DTNA: variants seen among roughly 807,000 people sequenced by gnomAD.
DTNA encodes dystrobrevin alpha.
In DTNA, 43 loss-of-function variants were observed where a neutral mutation model predicts 100.7. That is an observed-to-expected ratio of 0.43 (90% CI 0.33 to 0.55). The LOEUF is 0.55. Ranked by LOEUF, DTNA falls within the 20% of genes least tolerant of loss-of-function variation. The pLI is 0.04. For missense variants in DTNA, 798 were observed against 953.9 expected (o/e 0.84, Z 2.15); for synonymous variants, 349 against 347.9 (o/e 1.00, Z -0.04).
At chr18:34,685,957 A>G (rs1289565197) in intron 1 of DTNA, among the ~76,000 whole-genome samples, 2 of 152,192 alleles carry the variant, frequency 1.3e-5, no homozygotes, top group Non-Finnish European at 2.9e-5. Context: ...ACTGGTGTAT[A>G]GGAATGCTTG....
At chr18:34,748,552 A>G (rs1410515441) in intron 1 of DTNA, among the ~76,000 whole-genome samples, 1 of 152,180 alleles carries the variant, frequency 6.6e-6, no homozygotes, top group African/African-American at 2.4e-5. Flanking sequence ...AACACCACTT[A>G]TTAAATAGAG....
intron 1 of DTNA, among the ~76,000 whole-genome samples, chr18:34,718,406 G>T (rs539710230): frequency 2.0e-5 from 3 of 152,046 alleles, no homozygotes; most frequent in Non-Finnish European, 4.4e-5. Flanking sequence ...ATTAGGCATC[G>T]TTTAGAAAGG....
chr18:34,603,485 G>A (rs1460088583), intron 1 of DTNA, among the ~76,000 whole-genome samples: 1 of 151,456 alleles, frequency 6.6e-6, no homozygotes, highest in African/African-American at 2.4e-5. Flanking sequence ...AGAGTTCAAT[G>A]GTAATAAATA....
At chr18:34,525,587 C>T (rs1308597136) in intron 1 of DTNA, among the ~76,000 whole-genome samples, 1 of 152,110 alleles carries the variant, frequency 6.6e-6, no homozygotes, top group African/African-American at 2.4e-5. Flanking sequence ...CTTTGTCCAT[C>T]AGGTTTTTCT....
intron 5 of DTNA, among the ~76,000 whole-genome samples, chr18:34,811,052 G>A (rs2095476641): frequency 6.6e-6 from 1 of 152,160 alleles, no homozygotes; most frequent in Non-Finnish European, 1.5e-5. Flanking sequence ...GTGAATAGAG[G>A]TGGCACATTC....
chr18:34,758,967 A>G (rs983695748), intron 2 of DTNA, among the ~76,000 whole-genome samples: 2 of 152,216 alleles, frequency 1.3e-5, no homozygotes, highest in African/African-American at 2.4e-5. Context: ...CAGAAGCAGG[A>G]AGAAACAGCA....
intron 1 of DTNA, among the ~76,000 whole-genome samples, chr18:34,606,058 A>T (rs1448859724): frequency 6.6e-6 from 1 of 152,212 alleles, no homozygotes; most frequent in African/African-American, 2.4e-5. Flanking sequence ...ATGACCTTCA[A>T]GATAGGGATA....
At chr18:34,851,421 G>A (rs1173948193) in intron 14 of DTNA, among the ~76,000 whole-genome samples, 4 of 152,074 alleles carry the variant, frequency 2.6e-5, no homozygotes, top group Non-Finnish European at 2.9e-5. Context: ...ATTTTTAATT[G>A]TACATTACAG....
At chr18:34,653,928 A>G (rs2073981740) in intron 1 of DTNA, among the ~76,000 whole-genome samples, 1 of 152,238 alleles carries the variant, frequency 6.6e-6, no homozygotes, top group Admixed American at 6.5e-5. Flanking sequence ...ATATGTCTTC[A>G]GATACATTGT....
intron 1 of DTNA, among the ~76,000 whole-genome samples, chr18:34,503,675 A>C (rs1335613439): frequency 2.0e-5 from 3 of 151,792 alleles, no homozygotes; most frequent in Non-Finnish European, 4.4e-5. Context: ...TATTAATACA[A>C]TACTTTAGTG....
At chr18:34,818,443 G>A in intron 8 of DTNA, 113 bp downstream of exon 8, 1 of 1,544,384 alleles carries the variant, frequency 6.5e-7, no homozygotes, top group Non-Finnish European at 8.7e-7. Flanking sequence ...TTCCATCCCA[G>A]GTCTAGTATT....
intron 18 of DTNA, among the ~76,000 whole-genome samples, chr18:34,877,002 A>G (rs2096825286): frequency 6.6e-6 from 1 of 152,194 alleles, no homozygotes; most frequent in Non-Finnish European, 1.5e-5. Context: ...TGACGGAATG[A>G]AATTCCATTA....
chr18:34,582,270 C>T (rs2048724715), intron 1 of DTNA, among the ~76,000 whole-genome samples: 1 of 152,122 alleles, frequency 6.6e-6, no homozygotes, highest in South Asian at 2.1e-4. Flanking sequence ...CCACAAACAA[C>T]CACTCTTCAA....
chr18:34,520,379 C>T (rs990086152), intron 1 of DTNA, among the ~76,000 whole-genome samples: 11 of 152,204 alleles, frequency 7.2e-5, no homozygotes, highest in Admixed American at 2.0e-4. Context: ...GGGCCAGATG[C>T]GGTGGCTCAT....
chr18:34,816,032 A>G lies in DTNA; in HGVS notation c.709+18A>G. On this transcript the variant is annotated intron_variant, in intron 7 of 22. Coordinates refer to ENST00000444659, the MANE Select transcript of DTNA (RefSeq NM_001386795.1). ...GGAAAATGGTGAGTAGTTACTAAGGAGCAAAGGTGATTTTTTAAATTATTG... is the reference window on the plus strand; with the variant it reads ...GGAAAATGGTGAGTAGTTACTAAGGGGCAAAGGTGATTTTTTAAATTATTG... 6.2e-7 allele frequency: 1 copy of G among 1,606,568 alleles called. No homozygotes were observed. Among genetic ancestry groups the G allele is most frequent in the Non-Finnish European group, 8.5e-7 (1 of 1,173,232 alleles).
At position 34,887,919 on chromosome 18, in the gene DTNA, C is replaced by T; in HGVS notation, c.*185C>T. 9.1e-6 allele frequency: 9 copies of T among 986,634 alleles called. No homozygotes were observed. Among genetic ancestry groups the T allele is most frequent in the Non-Finnish European group, 1.1e-5 (9 of 830,132 alleles). 61.1% of individuals were successfully genotyped at this position (986,634 alleles called of 1,614,324 possible). ...CAGCAGCTCCTGACAGACCCCCACC[C>T]CTAAAGATGTGTCCTGATGACTATA... On this transcript the variant is annotated 3_prime_UTR_variant, in exon 23 of 23. Transcript: ENST00000444659.
intron 1 of DTNA, among the ~76,000 whole-genome samples, chr18:34,550,135 T>A (rs1437921036): frequency 6.6e-6 from 1 of 152,170 alleles, no homozygotes. Context: ...TTTATCCTAG[T>A]GTACAACCTC....
chr18:34,726,705 T>C (rs929936678), intron 1 of DTNA, among the ~76,000 whole-genome samples: 2 of 152,244 alleles, frequency 1.3e-5, no homozygotes, highest in Admixed American at 6.5e-5. Flanking sequence ...TCCATGGCTA[T>C]GCAGACTGCC....
At chr18:34,505,453 A>C (rs905461922) in intron 1 of DTNA, among the ~76,000 whole-genome samples, 3 of 152,156 alleles carry the variant, frequency 2.0e-5, no homozygotes, top group Non-Finnish European at 2.9e-5. Flanking sequence ...CATTCTGCTG[A>C]ATATCTTTGG....
Sources: allele counts gnomAD v4.1 joint callset (sites outside exome capture counted in the v4.1 genomes callset), GRCh38; gene constraint gnomAD v4.1.1; transcripts MANE v1.5; gene names NCBI Gene and HGNC (gene_info 2026-07-23, HGNC 2026-07-21).